Variants in ZNRF1 observed in about 807,000 individuals in gnomAD.
The protein encoded by ZNRF1 is E3 ubiquitin-protein ligase ZNRF1.
A neutral mutation model predicts 18.4 loss-of-function variants in ZNRF1; 3 were observed. The observed-to-expected ratio is 0.16, with a 90% CI of 0.07 to 0.42. The LOEUF (loss-of-function observed/expected upper bound fraction) is 0.42. Among genes scored for constraint, ZNRF1 ranks in the 10% least tolerant of loss-of-function variants. ZNRF1 has a pLI of 0.99. For missense variants in ZNRF1, 310 were observed against 329.8 expected, an observed-to-expected ratio of 0.94 and a Z score of 0.47; for synonymous variants, 157 against 144.2, an observed-to-expected ratio of 1.09 and a Z score of -0.64.
At chr16:75,106,439 G>A (rs769569017) in intron 3 of ZNRF1, 43 bp from the exon 4 acceptor site, 1 of 1,612,178 alleles carries the variant, frequency 6.2e-7, no homozygotes, top group African/African-American at 1.3e-5. Context: ...AAGCAGCCTG[G>A]GCAGCAGGTA....
At chr16:75,066,916 GT>G (rs1219944383) in intron 1 of ZNRF1, among the ~76,000 whole-genome samples, 2 of 151,988 alleles carry the variant, frequency 1.3e-5, no homozygotes, top group African/African-American at 4.8e-5. Context: ...GCTTAAAACA[GT>G]AATAATCATT....
At chr16:75,105,021 C>A in intron 3 of ZNRF1, 132 bp downstream of exon 3, 1 of 696,256 alleles carries the variant, frequency 1.4e-6, no homozygotes, top group Non-Finnish European at 2.5e-6. Context: ...CGGGTAAGGG[C>A]AGAGGCCATC....
intron 2 of ZNRF1, among the ~76,000 whole-genome samples, chr16:75,097,648 C>T (rs1200012502): frequency 1.3e-5 from 2 of 152,042 alleles, no homozygotes; most frequent in East Asian, 3.9e-4. Context: ...AGTGAGACCC[C>T]ATTTACTAAA....
chr16:75,095,244 G>A (rs936661699), intron 2 of ZNRF1: 4 of 167,592 alleles, frequency 2.4e-5, no homozygotes, highest in African/African-American at 7.1e-5. Context: ...CCCTCCCCTG[G>A]GCATCATAGC....
rs368510182 is a variant in ZNRF1 at position 75,086,459 on chromosome 16, G to A, written c.425-7113G>A. Among the ~76,000 whole-genome samples the A allele has an allele frequency of 1.3e-4, 20 of 152,280 alleles. 2 individuals carry two copies. The highest frequency in any genetic ancestry group is 1.0e-3 in the South Asian group (5 of 4,830). ...AATTCCTGGGCCTTTCCCAGTCAAG[G>A]ATGTTCTCTAGGAGAGACTGACTCA... is the stretch of plus-strand genomic sequence containing the variant. On this transcript the variant is annotated intron_variant, in intron 1 of 4. Coordinates refer to ENST00000335325, the MANE Select transcript of ZNRF1 (RefSeq NM_032268.5).
At chr16:75,040,042 C>CTCT (rs2035423309) in intron 1 of ZNRF1, among the ~76,000 whole-genome samples, 1 of 78,890 alleles carries the variant, frequency 1.3e-5, no homozygotes, top group African/African-American at 5.5e-5. Flanking sequence ...TCTTTTCTTT[C>CTCT]TTTTTTTTTT....
intron 1 of ZNRF1, 165 bp downstream of exon 1, chr16:75,000,260 C>G (rs942510930): frequency 9.4e-7 from 1 of 1,064,128 alleles, no homozygotes; most frequent in East Asian, 2.6e-5. Context: ...CGTCTGGAAA[C>G]TAGGCTTTCT....
chr16:75,049,921 A>G (rs932766164), intron 1 of ZNRF1, among the ~76,000 whole-genome samples: 1 of 151,568 alleles, frequency 6.6e-6, no homozygotes, highest in African/African-American at 2.4e-5. Context: ...CAACATCACA[A>G]TCAAGATAAC....
chr16:75,032,832 C>T (rs1413187708), intron 1 of ZNRF1, among the ~76,000 whole-genome samples: 3 of 152,098 alleles, frequency 2.0e-5, no homozygotes, highest in Admixed American at 1.3e-4. Context: ...CTGGGCAACA[C>T]AGCAAGACCC....
At chr16:75,055,075 C>T (rs900303507) in intron 1 of ZNRF1, among the ~76,000 whole-genome samples, 1 of 152,134 alleles carries the variant, frequency 6.6e-6, no homozygotes, top group African/African-American at 2.4e-5. Flanking sequence ...GGCAGGCGTT[C>T]GTTTGTAAAG....
At chr16:75,102,306 C>T (rs1163527965) in intron 2 of ZNRF1, among the ~76,000 whole-genome samples, 1 of 152,178 alleles carries the variant, frequency 6.6e-6, no homozygotes, top group Non-Finnish European at 1.5e-5. Flanking sequence ...CCCACAAGCC[C>T]ACTCATGAGG....
At chr16:75,001,576 A>G (rs1004982242) in intron 1 of ZNRF1, among the ~76,000 whole-genome samples, 4 of 152,170 alleles carry the variant, frequency 2.6e-5, no homozygotes, top group African/African-American at 9.7e-5. Context: ...AATTTTTCCT[A>G]TGGAATTTAG....
At chr16:75,068,800 T>A (rs1317277742) in intron 1 of ZNRF1, among the ~76,000 whole-genome samples, 1 of 151,992 alleles carries the variant, frequency 6.6e-6, no homozygotes, top group Non-Finnish European at 1.5e-5. Flanking sequence ...TGCTTAAAAT[T>A]TGGCCCTGGT....
At chr16:75,105,055 G>C (rs1017644996) in intron 3 of ZNRF1, 166 bp downstream of exon 3, 3 of 583,220 alleles carry the variant, frequency 5.1e-6, no homozygotes, top group Admixed American at 2.8e-5. Flanking sequence ...CTGTGCCGGC[G>C]GGAAGGTGCG....
chr16:75,057,797 C>A (rs970178664), intron 1 of ZNRF1, among the ~76,000 whole-genome samples: 1 of 152,200 alleles, frequency 6.6e-6, no homozygotes, highest in Non-Finnish European at 1.5e-5. Context: ...TGCACTACCA[C>A]ACCCAGCTAA....
At chr16:75,055,363 T>C (rs1010299818) in intron 1 of ZNRF1, among the ~76,000 whole-genome samples, 4 of 152,214 alleles carry the variant, frequency 2.6e-5, no homozygotes, top group African/African-American at 9.6e-5. Flanking sequence ...GTGTATCCAT[T>C]CTGTCTTTCC....
chr16:75,099,497 C>T (rs1278638573), intron 2 of ZNRF1, among the ~76,000 whole-genome samples: 2 of 152,120 alleles, frequency 1.3e-5, no homozygotes, highest in Non-Finnish European at 2.9e-5. Flanking sequence ...CAGGCACTGA[C>T]ACCATCCCCA....
chr16:75,050,919 ACAGTGGCT>A (rs1219146069), intron 1 of ZNRF1, among the ~76,000 whole-genome samples: 3 of 146,240 alleles, frequency 2.1e-5, no homozygotes, highest in Non-Finnish European at 3.0e-5. Context: ...GTAGCCAGGT[ACAGTGGCT>A]CACACCTGTA....
intron 1 of ZNRF1, among the ~76,000 whole-genome samples, chr16:75,046,522 A>G (rs1468267057): frequency 6.6e-6 from 1 of 152,114 alleles, no homozygotes; most frequent in East Asian, 1.9e-4. Context: ...AAATGCTGAG[A>G]TTACAGGCGT....
Sources: gnomAD v4.1 joint callset for allele counts (sites outside exome capture counted in the v4.1 genomes callset) on GRCh38, gnomAD v4.1.1 for gene constraint, MANE v1.5 for transcripts, NCBI Gene and HGNC (gene_info 2026-07-23, HGNC 2026-07-21) for gene names.